LAMA2: variants seen among roughly 807,000 people sequenced by gnomAD.
LAMA2 encodes laminin subunit alpha-2.
Under a neutral mutation model 364.8 loss-of-function variants are expected in LAMA2, and 269 were observed. That is an observed-to-expected ratio of 0.74 (90% CI 0.67 to 0.82). The LOEUF (loss-of-function observed/expected upper bound fraction) is 0.82, where lower values mean the gene tolerates loss of function less well. LAMA2 is among the 40% of genes least tolerant of loss of function. The pLI is 0.00. For synonymous variants in LAMA2, 1,379 were observed against 1,370.6 expected (o/e 1.01, Z -0.14); for missense variants, 3,807 against 3,873.2 (o/e 0.98, Z 0.45).
intron 9 of LAMA2, among the ~76,000 whole-genome samples, chr6:129,166,191 C>A (rs568449600): frequency 6.6e-6 from 1 of 152,262 alleles, no homozygotes; most frequent in East Asian, 1.9e-4. Flanking sequence ...CAGAAAGAGG[C>A]TGACACTAAT....
chr6:129,318,753 C>T (rs960994824), intron 27 of LAMA2, among the ~76,000 whole-genome samples: 9 of 152,206 alleles, frequency 5.9e-5, no homozygotes, highest in African/African-American at 1.7e-4. Context: ...CTTCAGAGTG[C>T]AGATTACAAT....
In LAMA2 at chr6:129,033,217, T is replaced by TA. The variant is rs56962805; in HGVS notation, c.113-16688dup. Among the ~76,000 whole-genome samples, 1,397 of 140,306 alleles carry TA rather than the reference T, an allele frequency of 1.0e-2. 8 individuals are homozygous for TA. The highest frequency in any genetic ancestry group is 0.022 in the African/African-American group (847 of 39,012). 92.0% of individuals were successfully genotyped at this position (140,306 alleles called of 152,430 possible). A position where few individuals can be genotyped will look rare whatever the true frequency, so the allele number is the denominator to read the frequency against. ...CCTGAGGAACGATAATAGTTACTGA[T>TA]AAAAAAAAAAAAAGAAAAGAATGAA... On this transcript the variant is annotated intron_variant, in intron 1 of 64. Transcript: ENST00000421865.
intron 46 of LAMA2, 81 bp downstream of exon 46, chr6:129,453,212 A>T (rs986329770): frequency 3.1e-6 from 4 of 1,286,070 alleles, no homozygotes; most frequent in Non-Finnish European, 4.5e-6. Flanking sequence ...AGAATCCCCA[A>T]ATGTATATGG....
At chr6:128,977,065 G>A (rs1440075747) in intron 1 of LAMA2, among the ~76,000 whole-genome samples, 1 of 151,954 alleles carries the variant, frequency 6.6e-6, no homozygotes, top group Non-Finnish European at 1.5e-5. Context: ...TGCCTTATCT[G>A]GCCTTTTTTC....
At chr6:129,214,870 A>G (rs1783327244) in intron 12 of LAMA2, among the ~76,000 whole-genome samples, 1 of 152,210 alleles carries the variant, frequency 6.6e-6, no homozygotes, top group Admixed American at 6.5e-5. Context: ...ATTGGGAAGA[A>G]CTGACATCCT....
At chr6:128,978,078 G>A (rs981293673) in intron 1 of LAMA2, among the ~76,000 whole-genome samples, 4 of 152,110 alleles carry the variant, frequency 2.6e-5, no homozygotes, top group African/African-American at 9.7e-5. Context: ...TTGTAAACCT[G>A]CAATAGAATA....
intron 9 of LAMA2, among the ~76,000 whole-genome samples, chr6:129,168,514 A>G (rs1185264609): frequency 4.5e-4 from 68 of 151,824 alleles, no homozygotes; most frequent in African/African-American, 1.5e-3. Flanking sequence ...GTTCTGTTCC[A>G]TTGATCTATA....
chr6:129,398,027 T>C (rs1313858062), intron 37 of LAMA2, among the ~76,000 whole-genome samples: 2 of 152,122 alleles, frequency 1.3e-5, no homozygotes, highest in African/African-American at 2.4e-5. Flanking sequence ...TGATCTTTGC[T>C]TTTACAAAAG....
intron 17 of LAMA2, 46 bp downstream of exon 17, chr6:129,270,797 G>T (rs1263760945): frequency 1.1e-5 from 18 of 1,592,524 alleles, no homozygotes; most frequent in Non-Finnish European, 1.6e-5. Context: ...ATCCATTTCT[G>T]CAAGTACACT....
intron 14 of LAMA2, among the ~76,000 whole-genome samples, chr6:129,258,071 A>C (rs1583356692): frequency 6.6e-6 from 1 of 152,010 alleles, no homozygotes; most frequent in East Asian, 1.9e-4. Context: ...CCCATTCGAC[A>C]AAAGTCTACT....
intron 44 of LAMA2, among the ~76,000 whole-genome samples, chr6:129,444,670 C>A (rs529530761): frequency 6.6e-6 from 1 of 152,176 alleles, no homozygotes; most frequent in South Asian, 2.1e-4. Context: ...ATTTACTTCC[C>A]TTTGAGCACA....
intron 32 of LAMA2, among the ~76,000 whole-genome samples, chr6:129,362,120 C>A (rs541451929): frequency 6.6e-6 from 1 of 152,126 alleles, no homozygotes; most frequent in African/African-American, 2.4e-5. Flanking sequence ...CAGAAATGAT[C>A]ATCGCTTTGA....
intron 3 of LAMA2, among the ~76,000 whole-genome samples, chr6:129,072,964 GTTTA>G (rs555176172): frequency 1.1e-4 from 16 of 151,898 alleles, no homozygotes; most frequent in African/African-American, 3.6e-4. Flanking sequence ...AGTATACTTT[GTTTA>G]TTTATTTATT....
In LAMA2 at chr6:129,334,758, A is replaced by G. The variant is rs369485691; in HGVS notation, c.4311+6346A>G. On this transcript the variant is annotated intron_variant, in intron 29 of 64. Coordinates refer to ENST00000421865, the MANE Select transcript of LAMA2 (RefSeq NM_000426.4). ...TGGGGAAGGCTTCTTTCCTGGTCAT[A>G]GCTGACCCCTTCTTTCTTTGTCTTC... Among the ~76,000 whole-genome samples, 87 of 152,226 alleles carry G rather than the reference A, an allele frequency of 5.7e-4. No individual in the cohort carries two copies. In the South Asian group the frequency reaches 0.017, roughly 30 times the overall value.
chr6:129,333,964 A>G (rs1942713659), intron 29 of LAMA2, among the ~76,000 whole-genome samples: 1 of 152,214 alleles, frequency 6.6e-6, no homozygotes. Flanking sequence ...GAAGTAAAAA[A>G]TAAATACTTC....
rs1329929330 is a variant in LAMA2, at chr6:128,902,555, G to GT, written c.112+19199dup. On this transcript the variant is annotated intron_variant, in intron 1 of 64. Coordinates refer to ENST00000421865, the MANE Select transcript of LAMA2 (RefSeq NM_000426.4). Reference sequence around the variant, plus strand: ...GACATGTGGGGCCAAAGTGACAAAAGTAATTGGACAAAGGTAGACTCAGCA... The same window carrying GT: ...GACATGTGGGGCCAAAGTGACAAAAGTTAATTGGACAAAGGTAGACTCAGCA... Among the ~76,000 whole-genome samples the GT allele has an allele frequency of 7.2e-5, 11 of 152,282 alleles. 1 individual carries two copies. In the South Asian group the frequency reaches 2.1e-3, roughly 29 times the overall value.
At chr6:129,186,465 C>G (rs1039120856) in intron 10 of LAMA2, among the ~76,000 whole-genome samples, 22 of 150,242 alleles carry the variant, frequency 1.5e-4, no homozygotes, top group African/African-American at 5.2e-4. Flanking sequence ...AAGAAAAGAA[C>G]AAAATTATGG....
At chr6:129,402,620 T>C in intron 39 of LAMA2, 133 bp downstream of exon 39, 1 of 899,462 alleles carries the variant, frequency 1.1e-6, no homozygotes, top group Non-Finnish European at 1.8e-6. Context: ...ATATGGCCTT[T>C]CTGTGGATAG....
intron 2 of LAMA2, among the ~76,000 whole-genome samples, 157 bp from the exon 3 acceptor site, chr6:129,059,627 T>C (rs117820664): frequency 2.0e-3 from 299 of 152,350 alleles, no homozygotes; most frequent in Non-Finnish European, 3.0e-3. Context: ...GAAGAAATTC[T>C]GTTGAGAATC....
Sources: gnomAD v4.1 joint callset for allele counts (sites outside exome capture counted in the v4.1 genomes callset) on GRCh38, gnomAD v4.1.1 for gene constraint, MANE v1.5 for transcripts, NCBI Gene and HGNC (gene_info 2026-07-23, HGNC 2026-07-21) for gene names.